SMPD3: variants seen among roughly 807,000 people sequenced by gnomAD.
SMPD3 encodes sphingomyelin phosphodiesterase 3.
SMPD3 carries 21 observed loss-of-function variants against 55.7 expected under a neutral mutation model. The observed-to-expected ratio is 0.38, with a 90% CI of 0.27 to 0.54. The LOEUF (loss-of-function observed/expected upper bound fraction) is 0.54. SMPD3 is among the 20% of genes least tolerant of loss of function. The pLI is 0.80. For missense variants in SMPD3, 842 were observed against 899.6 expected (o/e 0.94, Z 0.82); for synonymous variants, 457 against 404.3 (o/e 1.13, Z -1.56).
chr16:68,430,708 C>T (rs1046423414), intron 1 of SMPD3, among the ~76,000 whole-genome samples: 4 of 152,214 alleles, frequency 2.6e-5, no homozygotes, highest in Non-Finnish European at 5.9e-5. Flanking sequence ...ACACATCATG[C>T]AGAATCACGC....
At chr16:68,413,441 C>A (rs2090317113) in intron 1 of SMPD3, among the ~76,000 whole-genome samples, 1 of 152,240 alleles carries the variant, frequency 6.6e-6, no homozygotes, top group Non-Finnish European at 1.5e-5. Context: ...GTTTTGTGAA[C>A]CCTGTCCTCC....
intron 1 of SMPD3, among the ~76,000 whole-genome samples, chr16:68,442,275 G>A (rs992777265): frequency 3.3e-5 from 5 of 152,038 alleles, no homozygotes; most frequent in East Asian, 1.9e-4. Context: ...AACTTCCCTC[G>A]CTGTCTTTCC....
At chr16:68,430,203 T>TC (rs2090468686) in intron 1 of SMPD3, among the ~76,000 whole-genome samples, 1 of 149,356 alleles carries the variant, frequency 6.7e-6, no homozygotes, top group Non-Finnish European at 1.5e-5. Flanking sequence ...ACTAACATAC[T>TC]CCCCTCTTCC....
chr16:68,391,745 T>C (rs1265951607), intron 1 of SMPD3, among the ~76,000 whole-genome samples: 1 of 152,152 alleles, frequency 6.6e-6, no homozygotes, highest in African/African-American at 2.4e-5. Context: ...GAGGGTAGAA[T>C]GGTGTTATGA....
chr16:68,364,963 G>A, intron 4 of SMPD3, 54 bp downstream of exon 4: 1 of 1,613,648 alleles, frequency 6.2e-7, no homozygotes, highest in Non-Finnish European at 8.5e-7. Flanking sequence ...CCCCAGCTAG[G>A]CCCCAGGCAC....
At chr16:68,411,820 G>A (rs536638802) in intron 1 of SMPD3, among the ~76,000 whole-genome samples, 1 of 152,334 alleles carries the variant, frequency 6.6e-6, no homozygotes, top group East Asian at 1.9e-4. Flanking sequence ...TCCTAGGGCA[G>A]TGGGACAGCA....
At chr16:68,432,721 C>A (rs1169013942) in intron 1 of SMPD3, among the ~76,000 whole-genome samples, 2 of 152,202 alleles carry the variant, frequency 1.3e-5, no homozygotes, top group East Asian at 3.9e-4. Context: ...ATGAGGTGGG[C>A]AGAAGAAAAT....
chr16:68,437,897 C>T (rs922410572), intron 1 of SMPD3, among the ~76,000 whole-genome samples: 1 of 152,188 alleles, frequency 6.6e-6, no homozygotes, highest in African/African-American at 2.4e-5. Context: ...GCCCCTGCAG[C>T]CTACAGAGAA....
chr16:68,364,468 G>A, intron 5 of SMPD3: 1 of 420,924 alleles, frequency 2.4e-6, no homozygotes, highest in Non-Finnish European at 4.2e-6. Flanking sequence ...GTTGATGGGT[G>A]TTACTAGTGG....
chr16:68,376,797 T>C (rs2089827366), intron 2 of SMPD3, among the ~76,000 whole-genome samples: 1 of 152,144 alleles, frequency 6.6e-6, no homozygotes, highest in Non-Finnish European at 1.5e-5. Context: ...AAAAGGAGAC[T>C]TTAGACCTGC....
At position 68,360,553 on chromosome 16, in the gene SMPD3, CT is replaced by C; in HGVS notation, c.*652del. 6.5e-6 allele frequency: 1 copy of C among 153,074 alleles called. No individual in the cohort carries two copies. Among genetic ancestry groups the C allele is most frequent in the Non-Finnish European group, 1.5e-5 (1 of 68,318 alleles). The allele number at this position is 153,074 out of a possible 1,614,324, so 9.5% of individuals were successfully genotyped here. A position where few individuals can be genotyped will look rare whatever the true frequency, so the allele number is the denominator to read the frequency against. On this transcript the variant is annotated 3_prime_UTR_variant, in exon 9 of 9. Coordinates refer to ENST00000219334, the MANE Select transcript of SMPD3 (RefSeq NM_018667.4). ...AGTGAGGGTTGGTTTTGTGATTAAC[CT>C]TTTTCTGTTTTTCTTTTTAAAATGT...
chr16:68,411,173 G>C (rs2152018391), intron 1 of SMPD3, among the ~76,000 whole-genome samples: 1 of 152,358 alleles, frequency 6.6e-6, no homozygotes, highest in East Asian at 1.9e-4. Flanking sequence ...GAGATCTTTG[G>C]GGAGTGTCAG....
chr16:68,387,727 G>T (rs1411757590), intron 1 of SMPD3, among the ~76,000 whole-genome samples: 1 of 152,218 alleles, frequency 6.6e-6, no homozygotes, highest in Non-Finnish European at 1.5e-5. Flanking sequence ...CCGGCCCAAA[G>T]CCCTCTTACC....
intron 2 of SMPD3, among the ~76,000 whole-genome samples, chr16:68,374,983 T>C (rs964786399): frequency 6.6e-6 from 1 of 152,198 alleles, no homozygotes; most frequent in African/African-American, 2.4e-5. Flanking sequence ...CCAGGCCAGA[T>C]TCTTGGGGCC....
At chr16:68,439,211 A>C (rs969903283) in intron 1 of SMPD3, among the ~76,000 whole-genome samples, 2 of 152,078 alleles carry the variant, frequency 1.3e-5, no homozygotes, top group African/African-American at 4.8e-5. Context: ...TGTGATTCAG[A>C]CTCAAGTTTG....
At chr16:68,441,052 C>G (rs2090561921) in intron 1 of SMPD3, among the ~76,000 whole-genome samples, 1 of 152,182 alleles carries the variant, frequency 6.6e-6, no homozygotes, top group South Asian at 2.1e-4. Context: ...AAATCTTTTG[C>G]TTGATTTATC....
intron 3 of SMPD3, among the ~76,000 whole-genome samples, chr16:68,370,513 C>T (rs895800568): frequency 1.3e-5 from 2 of 152,200 alleles, no homozygotes; most frequent in South Asian, 4.1e-4. Flanking sequence ...GCCACTCTTG[C>T]GCCAGCTCGG....
At chr16:68,397,800 C>A (rs1052163847) in intron 1 of SMPD3, among the ~76,000 whole-genome samples, 2 of 152,106 alleles carry the variant, frequency 1.3e-5, no homozygotes, top group Non-Finnish European at 2.9e-5. Flanking sequence ...AGGAAGCCTT[C>A]CCCCCTCCCC....
intron 1 of SMPD3, among the ~76,000 whole-genome samples, chr16:68,396,833 G>T (rs1366449158): frequency 6.6e-6 from 1 of 152,196 alleles, no homozygotes; most frequent in Non-Finnish European, 1.5e-5. Context: ...AATGCAAGAT[G>T]GAGACTTGAA....
Sources: allele counts gnomAD v4.1 joint callset (sites outside exome capture counted in the v4.1 genomes callset), GRCh38; gene constraint gnomAD v4.1.1; transcripts MANE v1.5; gene names NCBI Gene and HGNC (gene_info 2026-07-23, HGNC 2026-07-21).